Variants in CHRDL2 observed in about 807,000 individuals in gnomAD.
CHRDL2 encodes the protein chordin-like protein 2.
Under a neutral mutation model 54.3 loss-of-function variants are expected in CHRDL2, and 41 were observed. That is an observed-to-expected ratio of 0.76 (90% confidence interval 0.59 to 0.98). The LOEUF is 0.98. CHRDL2 is among the 50% of genes least tolerant of loss of function. The pLI is 0.00. For synonymous variants in CHRDL2, 220 were observed against 224.3 expected (o/e 0.98, Z 0.17); for missense variants, 518 against 562.4 (o/e 0.92, Z 0.80).
rs780432884 is a variant in CHRDL2, at chr11:74,702,952, G to T, written c.962C>A (p.Pro321His). Residue 321 changes from proline (P) to histidine (H), a missense_variant, in exon 9 of 11, where the codon CCT (proline) becomes CAT (histidine). By Grantham distance (77) the Pro-to-His change is moderately conservative. Coordinates refer to ENST00000376332, the MANE Select transcript of CHRDL2 (RefSeq NM_001278473.3). ...CKICPEDKAD[P>H]GHSEISSTRC... ...GGTAGAACTGATCTCACTGTGGCCA[G>T]GGTCTGCTTTGTCCTCTGGAGAGAC... 1.2e-6 allele frequency: 2 copies of T among 1,613,088 alleles called. No individual in the cohort carries two copies. The highest frequency in any genetic ancestry group is 2.2e-5 in the South Asian group (2 of 90,928).
At chr11:74,700,256 C>T (rs1225204343) in intron 9 of CHRDL2, among the ~76,000 whole-genome samples, 1 of 152,266 alleles carries the variant, frequency 6.6e-6, no homozygotes, top group Non-Finnish European at 1.5e-5. Context: ...GCCTGCTACA[C>T]ACCAATCACA....
chr11:74,705,673 C>T (rs1192981441), intron 6 of CHRDL2, among the ~76,000 whole-genome samples: 1 of 152,166 alleles, frequency 6.6e-6, no homozygotes, highest in Non-Finnish European at 1.5e-5. Context: ...TTCACTTACG[C>T]ACTGCCTCCT....
intron 1 of CHRDL2, among the ~76,000 whole-genome samples, chr11:74,720,018 G>A (rs1203076546): frequency 6.6e-6 from 1 of 152,210 alleles, no homozygotes; most frequent in East Asian, 1.9e-4. Flanking sequence ...CTCTTTTCAG[G>A]AGGAACTGGG....
At chr11:74,705,170 C>T (rs2033969173) in intron 6 of CHRDL2, among the ~76,000 whole-genome samples, 1 of 152,150 alleles carries the variant, frequency 6.6e-6, no homozygotes, top group African/African-American at 2.4e-5. Context: ...GACAAAGGGT[C>T]TCTGAAGCTT....
chr11:74,724,081 A>G (rs2034536896), intron 1 of CHRDL2, among the ~76,000 whole-genome samples: 1 of 152,264 alleles, frequency 6.6e-6, no homozygotes, highest in Non-Finnish European at 1.5e-5. Context: ...GATAGATACA[A>G]TACATTCAGT....
chr11:74,713,299 T>C, intron 3 of CHRDL2, 87 bp downstream of exon 3: 2 of 1,173,634 alleles, frequency 1.7e-6, no homozygotes. Context: ...ACTGCCCCTC[T>C]CCTTGCAGGG....
chr11:74,703,372 G>A lies in CHRDL2; in HGVS notation c.879C>T (p.Thr293=). 1 of 1,613,754 alleles carries A rather than the reference G, an allele frequency of 6.2e-7. No individual in the cohort carries two copies. Among genetic ancestry groups the A allele is most frequent in the East Asian group, 2.2e-5 (1 of 44,876 alleles). ...GACGGCAGGGGTACTCGGTGGGACA[G>A]GTCACACGCTGGCAGTCCTGGCGGC... ...EDGRQDCQRV[T]CPTEYPCRHP... Residue 293 remains threonine (T), a synonymous_variant, in exon 8 of 11, where the codon ACC becomes ACT. Coordinates refer to ENST00000376332, the MANE Select transcript of CHRDL2 (RefSeq NM_001278473.3).
intron 6 of CHRDL2, 108 bp from the exon 7 acceptor site, chr11:74,704,762 A>C: frequency 9.3e-7 from 1 of 1,080,710 alleles, no homozygotes; most frequent in Non-Finnish European, 1.4e-6. Context: ...AGACCCCAGC[A>C]TGACTTCCCA....
At chr11:74,701,595 C>CTG (rs1201002808) in intron 9 of CHRDL2, 1 of 717,888 alleles carries the variant, frequency 1.4e-6, no homozygotes. Flanking sequence ...CACTTACTGG[C>CTG]TGTGTGGCCT....
chr11:74,714,068 C>T lies in CHRDL2; in HGVS notation c.196-589G>A, dbSNP rs569727835. Among the ~76,000 whole-genome samples, 275 of 152,126 alleles carry T rather than the reference C, an allele frequency of 1.8e-3. 1 individual carries two copies. The highest frequency in any genetic ancestry group is 6.3e-3 in the African/African-American group (260 of 41,500). ...ATAGCAAGCGAGAGAATTGGGCAGG[C>T]GAACATACGCAGAGAGAGACAAGCA... is the stretch of plus-strand genomic sequence containing the variant. On this transcript the variant is annotated intron_variant, in intron 2 of 10. Transcript: ENST00000376332.
chr11:74,710,280 C>T (rs569175697), intron 4 of CHRDL2, among the ~76,000 whole-genome samples: 1 of 151,898 alleles, frequency 6.6e-6, no homozygotes, highest in Non-Finnish European at 1.5e-5. Flanking sequence ...GCCATGCCTA[C>T]ACCCCAGTTC....
chr11:74,718,276 T>C (rs2034413117), intron 2 of CHRDL2, among the ~76,000 whole-genome samples: 1 of 152,174 alleles, frequency 6.6e-6, no homozygotes, highest in African/African-American at 2.4e-5. Flanking sequence ...ATTTTCCCAT[T>C]TGAGCAAATC....
rs1173071727 is a variant in CHRDL2, at chr11:74,713,537, C to T, written c.196-58G>A. ...AAGAACCATCGTCTTCCACCTGTAC[C>T]TGTCCTTTCCCAAAACTCCCACCCC... is the stretch of plus-strand genomic sequence containing the variant. On this transcript the variant is annotated intron_variant, in intron 2 of 10. Coordinates refer to ENST00000376332, the MANE Select transcript of CHRDL2 (RefSeq NM_001278473.3). 5 of 1,384,480 alleles carry T rather than the reference C, an allele frequency of 3.6e-6. No individual in the cohort carries two copies. The Admixed American group carries it at 5.6e-5, about 15-fold the overall frequency. The allele number at this position is 1,384,480 out of a possible 1,614,324, so 85.8% of individuals were successfully genotyped here.
intron 3 of CHRDL2, among the ~76,000 whole-genome samples, chr11:74,712,525 C>T (rs372735364): frequency 6.6e-6 from 1 of 152,122 alleles, no homozygotes; most frequent in Admixed American, 6.5e-5. Flanking sequence ...AGCCACTGTC[C>T]CCCCGGGGAC....
chr11:74,717,251 G>A (rs966090145), intron 2 of CHRDL2, among the ~76,000 whole-genome samples: 3 of 152,176 alleles, frequency 2.0e-5, no homozygotes, highest in Non-Finnish European at 2.9e-5. Flanking sequence ...CAGTGATGGT[G>A]GAGAGAAGTG....
At chr11:74,701,886 A>G (rs915030884) in intron 9 of CHRDL2, among the ~76,000 whole-genome samples, 45 of 152,266 alleles carry the variant, frequency 3.0e-4, no homozygotes, top group African/African-American at 1.1e-3. Context: ...ATCATGGCTT[A>G]ACAGTTCACT....
intron 10 of CHRDL2, 110 bp from the exon 11 acceptor site, chr11:74,696,695 C>A: frequency 5.0e-6 from 4 of 797,256 alleles, no homozygotes; most frequent in Non-Finnish European, 8.6e-6. Context: ...CTGCAAGGGC[C>A]AGGGTTTGGA....
chr11:74,697,343 A>C (rs1329559386), intron 9 of CHRDL2, 46 bp from the exon 10 acceptor site: 1 of 1,417,072 alleles, frequency 7.1e-7, no homozygotes, highest in East Asian at 2.3e-5. Context: ...AAAAACCTAC[A>C]GTCGGTGAAA....
At chr11:74,714,472 G>A (rs2034288631) in intron 2 of CHRDL2, among the ~76,000 whole-genome samples, 1 of 152,322 alleles carries the variant, frequency 6.6e-6, no homozygotes, top group African/African-American at 2.4e-5. Context: ...CCCTCTCCCT[G>A]GACCTGAGTT....
Sources: allele counts gnomAD v4.1 joint callset (sites outside exome capture counted in the v4.1 genomes callset), GRCh38; gene constraint gnomAD v4.1.1; transcripts MANE v1.5; gene names NCBI Gene and HGNC (gene_info 2026-07-23, HGNC 2026-07-21).